The following SYNE1 variants were observed in gnomAD, a reference collection of about 807,000 sequenced individuals.
SYNE1 encodes the protein nesprin-1.
In SYNE1, 616 loss-of-function variants were observed where a neutral mutation model predicts 1,111.0. The observed-to-expected ratio is 0.55, with a 90% CI of 0.52 to 0.59. SYNE1 has a LOEUF of 0.59. SYNE1 is among the 20% of genes least tolerant of loss of function. The pLI is 0.00. For synonymous variants in SYNE1, 3,855 were observed against 3,825.8 expected, an observed-to-expected ratio of 1.01 and a Z score of -0.28; for missense variants, 10,006 against 10,417.0, an observed-to-expected ratio of 0.96 and a Z score of 1.72.
At chr6:152,372,168 T>C (rs1261633949) in intron 59 of SYNE1, among the ~76,000 whole-genome samples, 1 of 152,126 alleles carries the variant, frequency 6.6e-6, no homozygotes, top group Non-Finnish European at 1.5e-5. Context: ...TCAGACCACA[T>C]AGCATTAACG....
intron 98 of SYNE1, among the ~76,000 whole-genome samples, chr6:152,270,869 A>C (rs1235886697): frequency 1.3e-5 from 2 of 152,222 alleles, no homozygotes; most frequent in East Asian, 3.8e-4. Flanking sequence ...CCAGCCTTGC[A>C]AAGATCTAGA....
At chr6:152,605,230 C>T (rs1583296288) in intron 3 of SYNE1, among the ~76,000 whole-genome samples, 1 of 152,084 alleles carries the variant, frequency 6.6e-6, no homozygotes, top group East Asian at 1.9e-4. Context: ...ATACAGAAAC[C>T]TTACTAGTTT....
chr6:152,364,738 A>AAGGG (rs775619258), intron 63 of SYNE1, 109 bp downstream of exon 63: 2 of 716,234 alleles, frequency 2.8e-6, no homozygotes, highest in African/African-American at 4.2e-5. Flanking sequence ...GGGAGGAAGG[A>AAGGG]AAGGAAAGGG....
At chr6:152,300,062 T>C (rs1025456855) in intron 93 of SYNE1, among the ~76,000 whole-genome samples, 3 of 152,242 alleles carry the variant, frequency 2.0e-5, no homozygotes, top group African/African-American at 7.2e-5. Flanking sequence ...TAAATGGTTA[T>C]TTTATTTTCC....
intron 106 of SYNE1, among the ~76,000 whole-genome samples, chr6:152,242,831 G>C (rs958747461): frequency 6.6e-6 from 1 of 152,024 alleles, no homozygotes; most frequent in Admixed American, 6.6e-5. Context: ...TCATAAAAAT[G>C]TAAGTATGAA....
chr6:152,215,199 T>C, intron 121 of SYNE1, 139 bp from the exon 122 acceptor site: 4 of 927,524 alleles, frequency 4.3e-6, no homozygotes, highest in Non-Finnish European at 6.7e-6. Flanking sequence ...GCCACTTACT[T>C]ACAATCTCTA....
chr6:152,334,290 AC>A lies in SYNE1; in HGVS notation c.12529-18del, dbSNP rs1235530856. 7 of 1,612,500 alleles carry A rather than the reference AC, an allele frequency of 4.3e-6. No individual in the cohort carries two copies. The highest frequency in any genetic ancestry group is 5.9e-6 in the Non-Finnish European group (7 of 1,179,992). The stretch of plus-strand genomic sequence containing the variant: ...AACAAAATCCTAAAGGATAACAGCA[AC>A]AAAAAATATGTAATGTGTTAAGAAA... On this transcript the variant is annotated intron_variant, in intron 76 of 145. Coordinates refer to ENST00000367255, the MANE Select transcript of SYNE1 (RefSeq NM_182961.4).
rs886043029 is a variant in SYNE1 at position 152,155,904 on chromosome 6, G to T, written c.23978+6C>A. ...CTTCCCTATCTGTTTCAGCATCCCA[G>T]CTCACTTCAGCCTCCTTTCCATGGA... On this transcript the variant is annotated splice_donor_region_variant and intron_variant, in intron 132 of 145. Coordinates refer to ENST00000367255, the MANE Select transcript of SYNE1 (RefSeq NM_182961.4). The T allele has an allele frequency of 3.1e-6, 5 of 1,613,800 alleles. No individual in the cohort carries two copies. Among genetic ancestry groups the T allele is most frequent in the Non-Finnish European group, 3.4e-6 (4 of 1,179,934 alleles).
At chr6:152,198,404 A>G (rs2074634703) in intron 127 of SYNE1, among the ~76,000 whole-genome samples, 4 of 152,186 alleles carry the variant, frequency 2.6e-5, no homozygotes, top group African/African-American at 7.2e-5. Flanking sequence ...TGTATCAGCA[A>G]TAAGGATGTT....
At position 152,339,241 on chromosome 6, in the gene SYNE1, C is replaced by T. The variant is rs1272129870; in HGVS notation, c.12351G>A (p.Thr4117=). The part of the protein sequence containing the change: ...TAKDIQQTEQ[T]IEQKLVQAQN... ...TCAATGTGATTTTTCATTTTCTTACCGTTTGCTCTGTTTGTTGAATGTCTT... is the reference window on the plus strand; with the variant it reads ...TCAATGTGATTTTTCATTTTCTTACTGTTTGCTCTGTTTGTTGAATGTCTT... Residue 4117 remains threonine, a splice_region_variant and synonymous_variant, in exon 75 of 146, where the codon ACG becomes ACA. Coordinates refer to ENST00000367255, the MANE Select transcript of SYNE1 (RefSeq NM_182961.4). The T allele has an allele frequency of 2.8e-5, 45 of 1,613,222 alleles. 1 individual carries two copies. Among genetic ancestry groups the T allele is most frequent in the South Asian group, 2.7e-4 (25 of 91,040 alleles).
rs756294096 is a variant in SYNE1, at chr6:152,484,910, T to C, written c.1110A>G (p.Gln370=). The C allele has an allele frequency of 6.2e-6, 10 of 1,613,644 alleles. No homozygotes were observed. The Admixed American group carries it at 1.3e-4, about 22-fold the overall frequency. ...MKRKQIEHLI[Q]PLHRDGKLSL... Reference sequence around the variant, plus strand: ...ACAATTTACCGTCTCTGTGTAATGGTTGTATTAAATGTTCAATCTGTTTCC... The same window carrying C: ...ACAATTTACCGTCTCTGTGTAATGGCTGTATTAAATGTTCAATCTGTTTCC... The change falls in exon 13 of 146, where the codon CAA becomes CAG. Residue 370 remains glutamine, a synonymous_variant. Transcript: ENST00000367255.
At chr6:152,400,160 A>G (rs977551629) in intron 47 of SYNE1, among the ~76,000 whole-genome samples, 3 of 152,074 alleles carry the variant, frequency 2.0e-5, no homozygotes, top group African/African-American at 7.2e-5. Flanking sequence ...CACATTCTTC[A>G]ATGAGACACT....
chr6:152,399,609 A>G lies in SYNE1; in HGVS notation c.7237+7T>C. 6.2e-7 allele frequency: 1 copy of G among 1,614,014 alleles called. No homozygotes were observed. ...AACTACTCATGCTAAGGCCCCTCAG[A>G]ACTCACCACTGAAGTGTTTTTCCAG... is the stretch of plus-strand genomic sequence containing the variant. On this transcript the variant is annotated splice_region_variant and intron_variant, in intron 48 of 145. Transcript: ENST00000367255.
chr6:152,391,130 G>T, intron 52 of SYNE1, 147 bp downstream of exon 52: 1 of 1,096,898 alleles, frequency 9.1e-7, no homozygotes, highest in Non-Finnish European at 1.4e-6. Context: ...TGATGCCTCT[G>T]TATCCTTTTT....
intron 98 of SYNE1, among the ~76,000 whole-genome samples, chr6:152,271,364 T>C (rs558904735): frequency 2.4e-4 from 37 of 152,330 alleles, no homozygotes; most frequent in Admixed American, 9.1e-4. Context: ...TAAAACTTTC[T>C]CCCAGATTCT....
intron 3 of SYNE1, among the ~76,000 whole-genome samples, chr6:152,607,491 A>G (rs771619720): frequency 1.3e-5 from 2 of 152,138 alleles, no homozygotes; most frequent in Non-Finnish European, 1.5e-5. Flanking sequence ...ACACAATGAG[A>G]TATCATCTCA....
Position 152,208,026 on chromosome 6 carries a change from G to A in SYNE1, c.22770C>T (p.Leu7590=), listed in dbSNP as rs765032226. 15 of 1,613,980 alleles carry A rather than the reference G, an allele frequency of 9.3e-6. No individual in the cohort carries two copies. The East Asian group carries it at 1.6e-4, about 17-fold the overall frequency. ...GTTGCAGTGGTATAGGAACACTTCCGAGACCACTCATGGGGAGGTAGGACA... is the reference window on the plus strand; with the variant it reads ...GTTGCAGTGGTATAGGAACACTTCCAAGACCACTCATGGGGAGGTAGGACA... ...VEVSYLPMSG[L]GSVPIPLQQA... is the part of the protein sequence containing the mutation. Residue 7590 remains leucine, a synonymous_variant, in exon 125 of 146, where the codon CTC becomes CTT. Transcript: ENST00000367255.
chr6:152,362,172 T>C lies in SYNE1; in HGVS notation c.10297A>G (p.Lys3433Glu), dbSNP rs1488969949. ...RDKTTMLGKA[K>E]LLNEEVLSYS... ...GGAATCTGAAATCCAGCTCTCACCT[T>C]GGCTTTTCCGAGCATCGTTGTTTTA... The change falls in exon 64 of 146, where the codon AAG becomes GAG. Residue 3433 changes from lysine to glutamate, a missense_variant and splice_region_variant. Transcript: ENST00000367255. 6.2e-7 allele frequency: 1 copy of C among 1,614,244 alleles called. No homozygotes were observed. The highest frequency in any genetic ancestry group is 2.2e-5 in the East Asian group (1 of 44,892).
intron 133 of SYNE1, among the ~76,000 whole-genome samples, chr6:152,154,402 TGAAAATGTTTTATTCCATTCTA>T (rs2060976794): frequency 2.7e-5 from 4 of 150,774 alleles, no homozygotes; most frequent in Non-Finnish European, 4.4e-5. Flanking sequence ...TGAATTATAA[TGAAAATGTTTTATTCCATTCTA>T]GAGTCAACTC....
Sources: gnomAD v4.1 joint callset for allele counts (sites outside exome capture counted in the v4.1 genomes callset) on GRCh38, gnomAD v4.1.1 for gene constraint, MANE v1.5 for transcripts, NCBI Gene and HGNC (gene_info 2026-07-23, HGNC 2026-07-21) for gene names.